The following MIR2052HG variants were observed in gnomAD, a reference collection of about 807,000 sequenced individuals.
MIR2052HG encodes MIR2052 host gene.
At chr8:74,697,792 A>T (rs960396712) in intron 2 of MIR2052HG, among the ~76,000 whole-genome samples, 4 of 152,082 alleles carry the variant, frequency 2.6e-5, no homozygotes, top group Non-Finnish European at 5.9e-5. Flanking sequence ...GACTATACCT[A>T]ATCAAGGAGG....
At chr8:74,670,414 G>A (rs146713444) in intron 2 of MIR2052HG, among the ~76,000 whole-genome samples, 345 of 152,034 alleles carry the variant, frequency 2.3e-3, no homozygotes, top group African/African-American at 7.6e-3. Flanking sequence ...AACTCCCCTG[G>A]GCTAGATTAT....
At chr8:74,612,911 C>T (rs1366567447) in exon 2 of MIR2052HG, 2 of 455,958 alleles carry the variant, frequency 4.4e-6, no homozygotes, top group Non-Finnish European at 4.4e-6. Flanking sequence ...AAGTGGAGAG[C>T]CAGAAAAGGA....
chr8:74,660,084 G>A (rs1043512947), intron 2 of MIR2052HG, among the ~76,000 whole-genome samples: 1 of 152,172 alleles, frequency 6.6e-6, no homozygotes, highest in Non-Finnish European at 1.5e-5. Flanking sequence ...CTGCACAACA[G>A]AGCATCATGG....
chr8:74,632,222 G>A (rs1375793090), intron 2 of MIR2052HG, among the ~76,000 whole-genome samples: 1 of 152,076 alleles, frequency 6.6e-6, no homozygotes, highest in Non-Finnish European at 1.5e-5. Context: ...GTCGGAGGAC[G>A]TATTGATAGT....
intron 4 of MIR2052HG, among the ~76,000 whole-genome samples, chr8:74,746,604 G>C (rs570223299): frequency 0.32 from 45 of 140 alleles, no homozygotes; most frequent in Middle Eastern, 0.5. Context: ...GTGTGTCAAA[G>C]AGTCGAGGAG....
chr8:74,710,024 C>T (rs1340603831), intron 4 of MIR2052HG, among the ~76,000 whole-genome samples: 4 of 152,146 alleles, frequency 2.6e-5, no homozygotes, highest in Non-Finnish European at 4.4e-5. Flanking sequence ...TTTGCAGCCA[C>T]CCCATTCCAT....
At chr8:74,711,838 A>C (rs1809471036) in intron 4 of MIR2052HG, among the ~76,000 whole-genome samples, 1 of 152,208 alleles carries the variant, frequency 6.6e-6, no homozygotes, top group African/African-American at 2.4e-5. Flanking sequence ...CGCAGATGTA[A>C]GCCAGTTTGG....
intron 4 of MIR2052HG, among the ~76,000 whole-genome samples, chr8:74,723,688 A>T (rs1809602729): frequency 6.6e-6 from 1 of 152,184 alleles, no homozygotes; most frequent in Non-Finnish European, 1.5e-5. Context: ...TTCTCTAAGT[A>T]AAAGGCATAT....
intron 2 of MIR2052HG, among the ~76,000 whole-genome samples, chr8:74,682,072 A>G (rs1809131452): frequency 6.6e-6 from 1 of 152,182 alleles, no homozygotes; most frequent in Non-Finnish European, 1.5e-5. Flanking sequence ...AATGATGGAT[A>G]TGTTAATTTG....
intron 4 of MIR2052HG, among the ~76,000 whole-genome samples, chr8:74,707,354 T>A (rs974044190): frequency 1.3e-5 from 2 of 152,102 alleles, no homozygotes; most frequent in African/African-American, 2.4e-5. Context: ...CTGTTATAAA[T>A]ACAAAGTCTG....
At chr8:74,620,468 C>T (rs1248871214) in intron 2 of MIR2052HG, among the ~76,000 whole-genome samples, 1 of 152,246 alleles carries the variant, frequency 6.6e-6, no homozygotes, top group Non-Finnish European at 1.5e-5. Context: ...TCTGTCTGGA[C>T]ATCCAGGCAT....
At chr8:74,749,536 A>G (rs1397488992) in intron 4 of MIR2052HG, among the ~76,000 whole-genome samples, 1 of 152,184 alleles carries the variant, frequency 6.6e-6, no homozygotes, top group African/African-American at 2.4e-5. Flanking sequence ...GTTCGACATC[A>G]TAAAGTGAAT....
chr8:74,603,575 T>C, intron 1 of MIR2052HG: 1 of 1,548,794 alleles, frequency 6.5e-7, no homozygotes, highest in Non-Finnish European at 8.9e-7. Flanking sequence ...TTGCCATGCG[T>C]CATGGGAAAA....
At chr8:74,704,387 A>G (rs1424771752) in intron 4 of MIR2052HG, among the ~76,000 whole-genome samples, 1 of 152,068 alleles carries the variant, frequency 6.6e-6, no homozygotes, top group Non-Finnish European at 1.5e-5. Context: ...TGCCAAAGAT[A>G]GATGGAGTCT....
chr8:74,687,732 TA>T (rs1809197579), intron 2 of MIR2052HG, among the ~76,000 whole-genome samples: 1 of 152,122 alleles, frequency 6.6e-6, no homozygotes, highest in Non-Finnish European at 1.5e-5. Context: ...TTGCGCTAGA[TA>T]AAGAAGTTAT....
chr8:74,728,310 C>T (rs538912600), intron 4 of MIR2052HG, among the ~76,000 whole-genome samples: 5 of 152,302 alleles, frequency 3.3e-5, no homozygotes, highest in African/African-American at 7.2e-5. Context: ...CTTCTTTCCT[C>T]GGCTTCACTT....
At chr8:74,694,333 C>T (rs552468458) in intron 2 of MIR2052HG, among the ~76,000 whole-genome samples, 2 of 152,296 alleles carry the variant, frequency 1.3e-5, no homozygotes, top group Admixed American at 1.3e-4. Context: ...AAGGGAGCAA[C>T]CCATGGAACA....
At chr8:74,733,243 C>T (rs1046444968) in intron 4 of MIR2052HG, among the ~76,000 whole-genome samples, 2 of 151,998 alleles carry the variant, frequency 1.3e-5, no homozygotes, top group Admixed American at 1.3e-4. Context: ...CTCCCCACCC[C>T]ACAACAGGCC....
intron 2 of MIR2052HG, among the ~76,000 whole-genome samples, chr8:74,622,662 A>G (rs1808379441): frequency 6.6e-6 from 1 of 152,098 alleles, no homozygotes; most frequent in African/African-American, 2.4e-5. Context: ...AATGCTCAAC[A>G]TCACTAATCA....
Sources: gnomAD v4.1 joint callset for allele counts (sites outside exome capture counted in the v4.1 genomes callset) on GRCh38, gnomAD v4.1.1 for gene constraint, MANE v1.5 for transcripts, NCBI Gene and HGNC (gene_info 2026-07-23, HGNC 2026-07-21) for gene names.